NBAS: variants seen among roughly 807,000 people sequenced by gnomAD.
NBAS encodes the protein NAG/BC035112 fusion.
A neutral mutation model predicts 302.5 loss-of-function variants in NBAS; 219 were observed. The ratio of observed to expected loss-of-function variants is 0.72; its 90% CI spans 0.65 to 0.81. NBAS has a LOEUF of 0.81. Ranked by LOEUF, NBAS falls within the 30% of genes least tolerant of loss-of-function variation. NBAS has a pLI of 0.00. For missense variants in NBAS, 2,932 were observed against 2,841.6 expected (o/e 1.03, Z -0.72); for synonymous variants, 1,118 against 1,021.6 (o/e 1.09, Z -1.80).
chr2:15,545,115 G>A (rs1391611291), intron 6 of NBAS, among the ~76,000 whole-genome samples: 2 of 151,982 alleles, frequency 1.3e-5, no homozygotes, highest in Non-Finnish European at 2.9e-5. Flanking sequence ...CATAAATCAA[G>A]CCTCAATAAA....
At chr2:15,395,641 C>T (rs963818340) in intron 27 of NBAS, among the ~76,000 whole-genome samples, 1 of 151,968 alleles carries the variant, frequency 6.6e-6, no homozygotes, top group Non-Finnish European at 1.5e-5. Flanking sequence ...AATTTGAATA[C>T]GATTTCTAAT....
chr2:15,517,928 T>C (rs1306929121), intron 9 of NBAS, among the ~76,000 whole-genome samples: 3 of 152,200 alleles, frequency 2.0e-5, no homozygotes, highest in Non-Finnish European at 2.9e-5. Flanking sequence ...CAGTTTCTAC[T>C]GAATGTGTAT....
intron 38 of NBAS, among the ~76,000 whole-genome samples, chr2:15,311,843 TAGAAA>T (rs751288793): frequency 1.1e-4 from 17 of 152,130 alleles, no homozygotes; most frequent in Non-Finnish European, 2.1e-4. Context: ...ATCTCGGTGT[TAGAAA>T]AGAATTCTCC....
At chr2:15,085,220 T>C in the NBAS span, among the ~76,000 whole-genome samples, 1 of 152,050 alleles carries the variant, frequency 6.6e-6, no homozygotes, top group Non-Finnish European at 1.5e-5. Flanking sequence ...GGGGCTGCAC[T>C]TTGGAGGCCC....
At chr2:15,501,837 A>T (rs984489147) in intron 11 of NBAS, among the ~76,000 whole-genome samples, 24 of 151,742 alleles carry the variant, frequency 1.6e-4, no homozygotes, top group Admixed American at 2.6e-4. Context: ...ATCATGGCTC[A>T]CTGCAGCCTC....
chr2:14,923,162 A>G, the NBAS span, among the ~76,000 whole-genome samples: 3 of 152,094 alleles, frequency 2.0e-5, no homozygotes, highest in African/African-American at 7.2e-5. Context: ...AAAAAAACAA[A>G]AAAAAGTATT....
chr2:15,442,186 C>A (rs1297643254), intron 21 of NBAS, among the ~76,000 whole-genome samples: 69 of 125,062 alleles, frequency 5.5e-4, no homozygotes, highest in Admixed American at 1.3e-3. Flanking sequence ...CTCTCCACCC[C>A]AAATCAACAG....
the NBAS span, among the ~76,000 whole-genome samples, chr2:14,820,346 G>C: frequency 6.6e-6 from 1 of 152,164 alleles, no homozygotes; most frequent in Admixed American, 6.5e-5. Context: ...AAAAGAATGA[G>C]ACCCAATCGA....
intron 49 of NBAS, 31 bp from the exon 50 acceptor site, chr2:15,186,911 T>C: frequency 6.2e-7 from 1 of 1,613,576 alleles, no homozygotes. Context: ...TACAAGGCAC[T>C]GGAAATGACT....
chr2:15,548,114 G>A (rs1034657734), intron 6 of NBAS, among the ~76,000 whole-genome samples: 21 of 152,258 alleles, frequency 1.4e-4, no homozygotes, highest in African/African-American at 4.8e-4. Flanking sequence ...AATTTCTAAA[G>A]TTAAACAAGA....
chr2:15,118,021 CCT>C, the NBAS span, among the ~76,000 whole-genome samples: 1 of 152,188 alleles, frequency 6.6e-6, no homozygotes, highest in Non-Finnish European at 1.5e-5. Flanking sequence ...CAGAGCATCC[CCT>C]GTGTTTATCA....
chr2:14,843,996 G>C, the NBAS span, among the ~76,000 whole-genome samples: 1 of 152,092 alleles, frequency 6.6e-6, no homozygotes, highest in South Asian at 2.1e-4. Context: ...TTCTGTGTGA[G>C]TCCTAGGGCT....
intron 9 of NBAS, among the ~76,000 whole-genome samples, chr2:15,530,883 A>AG (rs199852511): frequency 6.6e-6 from 1 of 151,194 alleles, no homozygotes; most frequent in African/African-American, 2.4e-5. Context: ...TCAGAACGCC[A>AG]GGGGAAAAAA....
the NBAS span, among the ~76,000 whole-genome samples, chr2:15,062,486 A>G: frequency 6.6e-6 from 1 of 152,218 alleles, no homozygotes; most frequent in East Asian, 1.9e-4. Context: ...ATGAAATCCA[A>G]ATAAATGTTT....
intron 21 of NBAS, among the ~76,000 whole-genome samples, chr2:15,441,432 A>G (rs1313400210): frequency 6.6e-6 from 1 of 151,902 alleles, no homozygotes; most frequent in African/African-American, 2.4e-5. Context: ...GGAGAAATAA[A>G]ATACTTTACA....
chr2:15,416,430 C>A (rs1408356535), intron 24 of NBAS, among the ~76,000 whole-genome samples: 1 of 152,068 alleles, frequency 6.6e-6, no homozygotes, highest in African/African-American at 2.4e-5. Flanking sequence ...CAACATATAA[C>A]ACAAATTAAT....
intron 12 of NBAS, 77 bp from the exon 13 acceptor site, chr2:15,478,366 T>C (rs1191262257): frequency 2.1e-5 from 23 of 1,074,776 alleles, no homozygotes; most frequent in Non-Finnish European, 3.0e-5. Context: ...CTGTGGACTT[T>C]TTCAAATAAA....
At chr2:14,947,986 G>A in the NBAS span, among the ~76,000 whole-genome samples, 1 of 151,836 alleles carries the variant, frequency 6.6e-6, no homozygotes, top group African/African-American at 2.4e-5. Flanking sequence ...ATCATGGTGA[G>A]TGATCTTTTC....
chr2:15,456,502 T>C (rs574372775), intron 21 of NBAS, among the ~76,000 whole-genome samples: 52 of 152,356 alleles, frequency 3.4e-4, no homozygotes, highest in Non-Finnish European at 5.1e-4. Flanking sequence ...TGGTTTGTAC[T>C]AGGCACTGTT....
Sources: allele counts gnomAD v4.1 joint callset (sites outside exome capture counted in the v4.1 genomes callset), GRCh38; gene constraint gnomAD v4.1.1; transcripts MANE v1.5; gene names NCBI Gene and HGNC (gene_info 2026-07-23, HGNC 2026-07-21).